The following FAM221A variants were observed in gnomAD, a reference collection of about 807,000 sequenced individuals.
FAM221A encodes the protein protein FAM221A.
In FAM221A, 43 loss-of-function variants were observed where a neutral mutation model predicts 37.6. The ratio of observed to expected loss-of-function variants is 1.15; its 90% CI spans 0.90 to 1.48. The LOEUF is 1.48. Among genes scored for constraint, FAM221A ranks in the 40% most tolerant of loss-of-function variants. The pLI is 0.00. For missense variants in FAM221A, 361 were observed against 361.5 expected, an observed-to-expected ratio of 1.00 and a Z score of 0.01; for synonymous variants, 135 against 132.9, an observed-to-expected ratio of 1.02 and a Z score of -0.11.
chr7:23,695,356 C>G (rs1262958264), intron 4 of FAM221A, among the ~76,000 whole-genome samples: 2 of 152,074 alleles, frequency 1.3e-5, no homozygotes, highest in East Asian at 1.9e-4. Context: ...TCCCAGAAGT[C>G]TTGCACAATC....
chr7:23,689,111 C>A, intron 2 of FAM221A, 158 bp from the exon 3 acceptor site: 1 of 468,268 alleles, frequency 2.1e-6, no homozygotes, highest in Non-Finnish European at 3.7e-6. Context: ...ATAGGTGATA[C>A]AAGTACTATA....
chr7:23,681,362 A>G (rs1784027512), intron 1 of FAM221A, among the ~76,000 whole-genome samples: 1 of 152,200 alleles, frequency 6.6e-6, no homozygotes, highest in African/African-American at 2.4e-5. Context: ...ACTCTTGCCT[A>G]GCTCCGAACA....
chr7:23,681,926 C>G (rs577981546), intron 1 of FAM221A, among the ~76,000 whole-genome samples: 6 of 152,202 alleles, frequency 3.9e-5, no homozygotes, highest in African/African-American at 1.2e-4. Flanking sequence ...CCTGGATTTG[C>G]TCTTGCCTAG....
chr7:23,698,651 C>T (rs1033419919), intron 5 of FAM221A, among the ~76,000 whole-genome samples: 1 of 152,098 alleles, frequency 6.6e-6, no homozygotes, highest in Admixed American at 6.5e-5. Flanking sequence ...CCAGTGATAA[C>T]CATAGGTTAG....
At chr7:23,690,206 T>A (rs1164994913) in intron 3 of FAM221A, among the ~76,000 whole-genome samples, 18 of 138,878 alleles carry the variant, frequency 1.3e-4, no homozygotes, top group East Asian at 1.1e-3. Flanking sequence ...TATATTTTTT[T>A]TTTTTTTAAT....
intron 4 of FAM221A, among the ~76,000 whole-genome samples, chr7:23,691,962 G>A (rs1279527871): frequency 1.3e-5 from 2 of 152,126 alleles, no homozygotes; most frequent in South Asian, 4.2e-4. Flanking sequence ...TAGTTTACCT[G>A]TTACTCTACT....
At chr7:23,690,362 G>A (rs900020731) in intron 3 of FAM221A, among the ~76,000 whole-genome samples, 8 of 151,114 alleles carry the variant, frequency 5.3e-5, no homozygotes, top group Non-Finnish European at 1.0e-4. Context: ...CCGCCACCAC[G>A]CCCGGCTAAT....
Position 23,702,302 on chromosome 7 carries a change from T to C in FAM221A, c.*138T>C. ...AATGTCTTTTGGGATGTTTCCTTAA[T>C]TTATTTAAATAACTAAAAATGCCTA... On this transcript the variant is annotated 3_prime_UTR_variant, in exon 7 of 7. Coordinates refer to ENST00000344962, the MANE Select transcript of FAM221A (RefSeq NM_199136.5). 1 of 482,676 alleles carries C rather than the reference T, an allele frequency of 2.1e-6. No individual in the cohort carries two copies. The highest frequency in any genetic ancestry group is 3.5e-6 in the Non-Finnish European group (1 of 282,186). 29.9% of individuals were successfully genotyped at this position (482,676 alleles called of 1,614,324 possible).
intron 6 of FAM221A, among the ~76,000 whole-genome samples, chr7:23,701,236 CTCTT>C (rs1785415503): frequency 5.5e-5 from 4 of 72,758 alleles, no homozygotes; most frequent in South Asian, 6.0e-4. Flanking sequence ...ATTTTGAATT[CTCTT>C]TTTTTTTTTT....
At chr7:23,688,150 T>C (rs188153875) in intron 2 of FAM221A, 1 of 152,030 alleles carries the variant, frequency 6.6e-6, no homozygotes, top group Non-Finnish European at 1.5e-5. Context: ...GTTCACACCA[T>C]TCTCCTGCTT....
At chr7:23,692,122 T>C in intron 4 of FAM221A, 1 of 776,538 alleles carries the variant, frequency 1.3e-6, no homozygotes, top group Middle Eastern at 6.6e-4. Flanking sequence ...TCTTCTTGCA[T>C]ACATATATGT....
intron 1 of FAM221A, among the ~76,000 whole-genome samples, chr7:23,682,220 C>T (rs752149666): frequency 6.6e-6 from 1 of 151,494 alleles, no homozygotes; most frequent in African/African-American, 2.4e-5. Context: ...CATGCATCTC[C>T]GCACCCAGCT....
At chr7:23,698,131 A>G in intron 4 of FAM221A, 61 bp from the exon 5 acceptor site, 1 of 891,082 alleles carries the variant, frequency 1.1e-6, no homozygotes, top group South Asian at 1.4e-5. Flanking sequence ...CATTAGAAGT[A>G]ATAACTTGTT....
intron 3 of FAM221A, 47 bp from the exon 4 acceptor site, chr7:23,691,343 C>T (rs777648189): frequency 2.5e-6 from 4 of 1,585,114 alleles, no homozygotes; most frequent in Non-Finnish European, 3.5e-6. Flanking sequence ...TTAGGGTAGA[C>T]AACATAGTAC....
chr7:23,693,404 T>C (rs1784861335), intron 4 of FAM221A: 1 of 152,188 alleles, frequency 6.6e-6, no homozygotes. Context: ...ATTAGTGAGA[T>C]AGGGATCTTT....
At chr7:23,683,530 A>G (rs775043918) in intron 1 of FAM221A, among the ~76,000 whole-genome samples, 2 of 152,202 alleles carry the variant, frequency 1.3e-5, no homozygotes, top group Non-Finnish European at 2.9e-5. Context: ...TTGAGCAGTT[A>G]AGGCTCTACC....
chr7:23,689,662 C>CA (rs1158462492), intron 3 of FAM221A, among the ~76,000 whole-genome samples: 1 of 152,114 alleles, frequency 6.6e-6, no homozygotes, highest in Non-Finnish European at 1.5e-5. Context: ...TGGAAGAACT[C>CA]AGAGTTAATG....
At chr7:23,684,267 A>G (rs1231670679) in intron 1 of FAM221A, among the ~76,000 whole-genome samples, 1 of 142,292 alleles carries the variant, frequency 7.0e-6, no homozygotes, top group Admixed American at 7.0e-5. Flanking sequence ...CTTTTGTTAC[A>G]TTCCAGCCTT....
At position 23,702,376 on chromosome 7, in the gene FAM221A, T is replaced by G; in HGVS notation, c.*212T>G. On this transcript the variant is annotated 3_prime_UTR_variant, in exon 7 of 7. Transcript: ENST00000344962. ...TTACTACTTTGTATGTACCTTTCTT[T>G]CTCCTGACAAATGAGGTTATTTTAT... 3.1e-6 allele frequency: 1 copy of G among 319,754 alleles called. No homozygotes were observed. The highest frequency in any genetic ancestry group is 5.8e-6 in the Non-Finnish European group (1 of 171,556). 19.8% of individuals were successfully genotyped at this position (319,754 alleles called of 1,614,324 possible). A position where few individuals can be genotyped will look rare whatever the true frequency, so the allele number is the denominator to read the frequency against.
Sources: gnomAD v4.1 joint callset for allele counts (sites outside exome capture counted in the v4.1 genomes callset) on GRCh38, gnomAD v4.1.1 for gene constraint, MANE v1.5 for transcripts, NCBI Gene and HGNC (gene_info 2026-07-23, HGNC 2026-07-21) for gene names.